PTCH1: variants seen among roughly 807,000 people sequenced by gnomAD.
PTCH1 encodes the protein protein patched homolog 1.
In PTCH1, 14 loss-of-function variants were observed where a neutral mutation model predicts 144.6. The observed-to-expected ratio is 0.10, with a 90% CI of 0.06 to 0.15. The LOEUF (loss-of-function observed/expected upper bound fraction) is 0.15, where lower values mean the gene tolerates loss of function less well. Ranked by LOEUF, PTCH1 falls within the 10% of genes least tolerant of loss-of-function variation. The pLI, the probability that PTCH1 is intolerant of heterozygous loss-of-function variation, is 1.00. For missense variants in PTCH1, 1,623 were observed against 1,948.3 expected, an observed-to-expected ratio of 0.83 and a Z score of 3.14; for synonymous variants, 833 against 793.6, an observed-to-expected ratio of 1.05 and a Z score of -0.83.
chr9:95,469,286 C>T, intron 13 of PTCH1, 133 bp from the exon 14 acceptor site: 3 of 1,224,632 alleles, frequency 2.4e-6, no homozygotes, highest in African/African-American at 1.5e-5. Context: ...CATCACATTG[C>T]TGAATTCCAG....
intron 2 of PTCH1, among the ~76,000 whole-genome samples, chr9:95,495,625 G>A (rs1489103104): frequency 2.0e-5 from 3 of 151,900 alleles, no homozygotes; most frequent in Non-Finnish European, 4.4e-5. Context: ...TTTGTTCAAG[G>A]CTAACACCTC....
intron 2 of PTCH1, among the ~76,000 whole-genome samples, chr9:95,498,171 C>A (rs1489937888): frequency 2.6e-5 from 4 of 152,136 alleles, no homozygotes; most frequent in African/African-American, 7.2e-5. Flanking sequence ...ATCTTGGTTG[C>A]TAAATTGGGT....
rs770082123 is a variant in PTCH1 at position 95,462,049 on chromosome 9, C to T, written c.2561-51G>A. On this transcript the variant is annotated intron_variant, in intron 15 of 23. Transcript: ENST00000331920. Reference sequence around the variant, plus strand: ...CATTATAACTCGCAGCCAGAAGGACCCTGGTCCTAGCGGGGTGGGCTGAGG... The same window carrying T: ...CATTATAACTCGCAGCCAGAAGGACTCTGGTCCTAGCGGGGTGGGCTGAGG... 6.8e-6 allele frequency: 11 copies of T among 1,612,156 alleles called. No individual in the cohort carries two copies. The South Asian group carries it at 1.2e-4, about 18-fold the overall frequency.
At chr9:95,497,607 C>A (rs1447029602) in intron 2 of PTCH1, among the ~76,000 whole-genome samples, 2 of 152,162 alleles carry the variant, frequency 1.3e-5, no homozygotes, top group African/African-American at 2.4e-5. Flanking sequence ...TAACCACCAG[C>A]AAATGAATAA....
chr9:95,459,831 A>G (rs1349158458), intron 16 of PTCH1, 48 bp from the exon 17 acceptor site: 1 of 1,594,758 alleles, frequency 6.3e-7, no homozygotes, highest in African/African-American at 1.3e-5. Flanking sequence ...GGTTGGGGGT[A>G]AACACACTTC....
In PTCH1 at chr9:95,445,853, C is replaced by T. The variant is rs571280128; in HGVS notation, c.*540G>A. On this transcript the variant is annotated 3_prime_UTR_variant, in exon 24 of 24. Transcript: ENST00000331920. ...CAGGATTAACGTGCTTTCTTCATAT[C>T]TGCTCATTAAACAAAAAAATTATCA... 3 of 156,418 alleles carry T rather than the reference C, an allele frequency of 1.9e-5. No individual in the cohort carries two copies. The highest frequency in any genetic ancestry group is 1.3e-4 in the Admixed American group (2 of 15,880). 9.7% of individuals were successfully genotyped at this position (156,418 alleles called of 1,614,324 possible). A position where few individuals can be genotyped will look rare whatever the true frequency, so the allele number is the denominator to read the frequency against.
At chr9:95,472,320 TCAAA>T (rs971638409) in intron 12 of PTCH1, among the ~76,000 whole-genome samples, 13 of 152,224 alleles carry the variant, frequency 8.5e-5, no homozygotes, top group African/African-American at 2.6e-4. Context: ...GTAAATCAGA[TCAAA>T]CAAAGACTTG....
intron 12 of PTCH1, chr9:95,474,018 A>G (rs1452651878): frequency 2.1e-6 from 1 of 465,420 alleles, no homozygotes; most frequent in South Asian, 1.5e-5. Context: ...TTACCTTGGG[A>G]GAATTTAGCG....
At chr9:95,462,800 G>A (rs1839616201) in intron 15 of PTCH1, among the ~76,000 whole-genome samples, 2 of 152,190 alleles carry the variant, frequency 1.3e-5, no homozygotes, top group African/African-American at 2.4e-5. Context: ...TCTGGGCCTG[G>A]GGGATGGGCG....
intron 22 of PTCH1, among the ~76,000 whole-genome samples, chr9:95,448,295 G>C (rs1838141178): frequency 6.6e-6 from 1 of 152,182 alleles, no homozygotes. Flanking sequence ...TTCACGGAAG[G>C]GCTGCTCTGG....
At position 95,449,168 on chromosome 9, in the gene PTCH1, G is replaced by A. The variant is rs1051927200; in HGVS notation, c.3705C>T (p.Ser1235=). 2.6e-5 allele frequency: 42 copies of A among 1,612,920 alleles called. No individual in the cohort carries two copies. Among genetic ancestry groups the A allele is most frequent in the Non-Finnish European group, 3.3e-5 (39 of 1,179,542 alleles). ...GGGCCTCGTAGTGCCGAAGCTCCTC[G>A]CTGAGGCCTGACACTGTCGTCTGGG... ...YSSQTTVSGL[S]EELRHYEAQQ... is the part of the protein sequence containing the mutation. Residue 1235 remains serine (S), a synonymous_variant, in exon 22 of 24, where the codon AGC becomes AGT. Coordinates refer to ENST00000331920, the MANE Select transcript of PTCH1 (RefSeq NM_000264.5). This position sits in a 1 kb window ranked among gnomAD's most constrained non-coding sequence, Gnocchi z 5.3.
intron 2 of PTCH1, among the ~76,000 whole-genome samples, chr9:95,492,649 A>G (rs890509021): frequency 3.9e-5 from 6 of 152,016 alleles, no homozygotes; most frequent in African/African-American, 1.4e-4. Context: ...CCTTAAAAAA[A>G]TCCAAAATCC....
At chr9:95,512,609 C>T (rs982454356), upstream of PTCH1, among the ~76,000 whole-genome samples, 6 of 152,136 alleles carry the variant, frequency 3.9e-5, no homozygotes, top group African/African-American at 9.7e-5. Context: ...AATCAATCTG[C>T]CCTTATTTAC....
intron 2 of PTCH1, 65 bp downstream of exon 2, chr9:95,506,342 A>G (rs1049292931): frequency 5.8e-6 from 9 of 1,545,022 alleles, no homozygotes; most frequent in African/African-American, 2.7e-5. Flanking sequence ...GCGCTGGCGA[A>G]TATCTCTATC....
At chr9:95,446,485 A>C in intron 23 of PTCH1, 94 bp from the exon 24 acceptor site, 1 of 487,712 alleles carries the variant, frequency 2.1e-6, no homozygotes, top group Non-Finnish European at 4.1e-6. Flanking sequence ...TAACCTTGGT[A>C]TTAGAAATCA....
intron 23 of PTCH1, 110 bp downstream of exon 23, chr9:95,446,801 A>G: frequency 7.1e-7 from 1 of 1,409,972 alleles, no homozygotes; most frequent in Non-Finnish European, 9.9e-7. Flanking sequence ...CCAGCGTGGG[A>G]TGTGCCCGAG....
In PTCH1 at chr9:95,449,957, A is replaced by C. The variant is rs1271293805; in HGVS notation, c.3450-17T>G. On this transcript the variant is annotated splice_polypyrimidine_tract_variant and intron_variant, in intron 20 of 23. Coordinates refer to ENST00000331920, the MANE Select transcript of PTCH1 (RefSeq NM_000264.5). This position sits in a 1 kb window ranked among gnomAD's most constrained non-coding sequence, Gnocchi z 5.3. ...AAGAAATACCTGGGAGATCAAGAGG[A>C]AACGGGAACACGCGCTGTGACAGGG... is the stretch of plus-strand genomic sequence containing the variant. 6.2e-7 allele frequency: 1 copy of C among 1,606,664 alleles called. No homozygotes were observed. Among genetic ancestry groups the C allele is most frequent in the Non-Finnish European group, 8.5e-7 (1 of 1,173,334 alleles).
intron 20 of PTCH1, chr9:95,451,794 C>T (rs1218069737): frequency 2.0e-5 from 3 of 152,134 alleles, no homozygotes; most frequent in African/African-American, 2.4e-5. Flanking sequence ...ATAATGATAA[C>T]GTTAGTGCCT....
In PTCH1 at chr9:95,508,293, G is replaced by A. The variant is rs753155080; in HGVS notation, c.69C>T (p.Ala23=). 5 of 1,525,846 alleles carry A rather than the reference G, an allele frequency of 3.3e-6. No individual in the cohort carries two copies. The Admixed American group carries it at 6.0e-5, about 18-fold the overall frequency. 94.5% of individuals were successfully genotyped at this position (1,525,846 alleles called of 1,614,324 possible). ...RGGGGSGCIG[A]PGRPAGGGRR... is the part of the protein sequence containing the mutation. ...TCCCGCCTCCAGCCGGCCGTCCCGG[G>A]GCACCGATACAGCCGCTGCCGCCGC... Residue 23 remains alanine, a synonymous_variant, in exon 1 of 24, where the codon GCC becomes GCT. Coordinates refer to ENST00000331920, the MANE Select transcript of PTCH1 (RefSeq NM_000264.5).
Sources: allele counts gnomAD v4.1 joint callset (sites outside exome capture counted in the v4.1 genomes callset), GRCh38; gene constraint gnomAD v4.1.1; non-coding constraint Gnocchi (gnomAD v3.1); transcripts MANE v1.5; gene names NCBI Gene and HGNC (gene_info 2026-07-23, HGNC 2026-07-21).